Variants in DCC observed in about 807,000 individuals in gnomAD.
DCC encodes DCC netrin 1 receptor, also known as netrin receptor DCC.
In DCC, 58 loss-of-function variants were observed where a neutral mutation model predicts 172.5. The observed-to-expected ratio is 0.34, with a 90% CI of 0.27 to 0.42. The LOEUF (loss-of-function observed/expected upper bound fraction) is 0.42. Among genes scored for constraint, DCC ranks in the 10% least tolerant of loss-of-function variants. DCC has a pLI of 1.00. For synonymous variants in DCC, 709 were observed against 644.5 expected, an observed-to-expected ratio of 1.10 and a Z score of -1.52; for missense variants, 1,740 against 1,791.0, an observed-to-expected ratio of 0.97 and a Z score of 0.51.
At chr18:52,610,908 C>T (rs955914436) in intron 1 of DCC, among the ~76,000 whole-genome samples, 6 of 152,168 alleles carry the variant, frequency 3.9e-5, no homozygotes, top group African/African-American at 1.4e-4. Context: ...TAGATTTTCC[C>T]CAAAGGCTAC....
chr18:53,503,632 T>C (rs2144484621), intron 27 of DCC, among the ~76,000 whole-genome samples: 1 of 152,310 alleles, frequency 6.6e-6, no homozygotes, highest in African/African-American at 2.4e-5. Flanking sequence ...GTGTGGGTTT[T>C]TTTCTTCTTT....
intron 5 of DCC, among the ~76,000 whole-genome samples, chr18:53,053,650 C>T (rs1037904677): frequency 5.3e-5 from 8 of 152,104 alleles, no homozygotes; most frequent in African/African-American, 1.4e-4. Flanking sequence ...TTTAGAATAG[C>T]CACATCTTTT....
At position 52,906,228 on chromosome 18, in the gene DCC, C is replaced by G. The variant is rs2039879679; in HGVS notation, c.597C>G (p.Ile199Met). The change falls in exon 3 of 29, where the codon ATC becomes ATG. Residue 199 changes from isoleucine to methionine, a missense_variant. Ile to Met is a conservative substitution (Grantham distance 10). This residue lies in a region of DCC where 1,732 missense variants were observed against 1,767.4 expected (regional missense o/e 0.98). Coordinates refer to ENST00000442544, the MANE Select transcript of DCC (RefSeq NM_005215.4). ...TCTTGCCCTCTGGAGCATTGCAGAT[C>G]AGCCGACTCCAACCGGGGGACATTG... ...VVVLPSGALQ[I>M]SRLQPGDIGI... is the part of the protein sequence containing the mutation. The G allele has an allele frequency of 6.2e-7, 1 of 1,613,818 alleles. No homozygotes were observed. The highest frequency in any genetic ancestry group is 1.3e-5 in the African/African-American group (1 of 74,910).
chr18:52,504,156 A>G (rs1039486777), intron 1 of DCC, among the ~76,000 whole-genome samples: 4 of 152,070 alleles, frequency 2.6e-5, no homozygotes, highest in African/African-American at 9.7e-5. Flanking sequence ...GGGGGCTGGT[A>G]CGGGTGATTG....
At chr18:52,442,378 T>C (rs976798586) in intron 1 of DCC, among the ~76,000 whole-genome samples, 4 of 152,152 alleles carry the variant, frequency 2.6e-5, no homozygotes, top group African/African-American at 9.7e-5. Context: ...CCAATGAAGA[T>C]GATAACTTCT....
intron 14 of DCC, among the ~76,000 whole-genome samples, chr18:53,328,566 G>A (rs547958669): frequency 7.9e-5 from 12 of 152,148 alleles, no homozygotes; most frequent in Admixed American, 5.9e-4. Context: ...ACAGAATCTG[G>A]CTCTGTCACC....
At chr18:52,590,992 C>T (rs1325752144) in intron 1 of DCC, among the ~76,000 whole-genome samples, 2 of 152,172 alleles carry the variant, frequency 1.3e-5, no homozygotes, top group African/African-American at 4.8e-5. Flanking sequence ...TGCAATTCAG[C>T]CAACATTAAA....
At chr18:52,571,520 G>A (rs977089739) in intron 1 of DCC, among the ~76,000 whole-genome samples, 1 of 152,164 alleles carries the variant, frequency 6.6e-6, no homozygotes, top group Non-Finnish European at 1.5e-5. Flanking sequence ...AAAATGGCAT[G>A]TAACTTCACA....
At chr18:52,667,610 G>A (rs1210615779) in intron 1 of DCC, among the ~76,000 whole-genome samples, 4 of 152,100 alleles carry the variant, frequency 2.6e-5, no homozygotes, top group African/African-American at 7.2e-5. Flanking sequence ...TTAGAAACAC[G>A]ATCTACTAAT....
At chr18:52,789,700 G>A (rs1168711156) in intron 2 of DCC, among the ~76,000 whole-genome samples, 6 of 152,100 alleles carry the variant, frequency 3.9e-5, no homozygotes, top group Non-Finnish European at 5.9e-5. Context: ...AACTGTCATT[G>A]CAAAATTGTG....
At chr18:52,674,035 T>C (rs148801094) in intron 1 of DCC, among the ~76,000 whole-genome samples, 87 of 152,298 alleles carry the variant, frequency 5.7e-4, no homozygotes, top group Non-Finnish European at 9.9e-4. Context: ...CTGTCCCCAG[T>C]GTGCAAGCCT....
At chr18:53,298,219 A>G (rs1319399356) in intron 12 of DCC, among the ~76,000 whole-genome samples, 3 of 152,094 alleles carry the variant, frequency 2.0e-5, no homozygotes, top group African/African-American at 7.2e-5. Context: ...CTTTTTCAGT[A>G]TGTACATGGA....
chr18:53,164,738 G>A (rs1198828252), intron 8 of DCC, among the ~76,000 whole-genome samples: 2 of 152,166 alleles, frequency 1.3e-5, no homozygotes, highest in Non-Finnish European at 2.9e-5. Context: ...AATGCCATGT[G>A]CAAATCATCA....
At chr18:53,474,936 T>C (rs1372722264) in intron 25 of DCC, among the ~76,000 whole-genome samples, 1 of 152,218 alleles carries the variant, frequency 6.6e-6, no homozygotes, top group Non-Finnish European at 1.5e-5. Context: ...CTGATAATGA[T>C]ACAGACAATG....
intron 2 of DCC, among the ~76,000 whole-genome samples, chr18:52,831,180 C>CATGA: frequency 6.6e-6 from 1 of 152,192 alleles, no homozygotes; most frequent in East Asian, 1.9e-4. Flanking sequence ...AAGGCATAAA[C>CATGA]ATGACGGTCA....
chr18:53,444,175 C>T (rs1267955614), intron 22 of DCC, among the ~76,000 whole-genome samples: 1 of 152,166 alleles, frequency 6.6e-6, no homozygotes, highest in African/African-American at 2.4e-5. Context: ...AAATACATCC[C>T]ATGCTACAGA....
intron 2 of DCC, among the ~76,000 whole-genome samples, chr18:52,787,553 A>G (rs571368644): frequency 1.3e-5 from 2 of 151,778 alleles, no homozygotes; most frequent in East Asian, 3.9e-4. Context: ...TCTTAGTATT[A>G]TTCACTAAAA....
At chr18:53,112,109 C>A (rs1489071315) in intron 7 of DCC, among the ~76,000 whole-genome samples, 2 of 150,968 alleles carry the variant, frequency 1.3e-5, no homozygotes, top group Non-Finnish European at 1.5e-5. Context: ...CAAATCAAAA[C>A]CAAAAAGCCT....
chr18:53,067,269 C>T (rs972200115), intron 7 of DCC, among the ~76,000 whole-genome samples: 1 of 151,976 alleles, frequency 6.6e-6, no homozygotes, highest in Non-Finnish European at 1.5e-5. Flanking sequence ...GCCTGTAATT[C>T]CAGCTTTTTG....
Sources: allele counts gnomAD v4.1 joint callset (sites outside exome capture counted in the v4.1 genomes callset), GRCh38; gene constraint gnomAD v4.1.1; regional missense constraint gnomAD v4.1.1; transcripts MANE v1.5; gene names NCBI Gene and HGNC (gene_info 2026-07-23, HGNC 2026-07-21).